STARD5: variants seen among roughly 807,000 people sequenced by gnomAD.
The protein encoded by STARD5 is stAR-related lipid transfer protein 5.
In STARD5, 26 loss-of-function variants were observed where a neutral mutation model predicts 24.6. The ratio of observed to expected loss-of-function variants is 1.06; its 90% CI spans 0.77 to 1.47. The LOEUF (loss-of-function observed/expected upper bound fraction) is 1.47, where lower values mean the gene tolerates loss of function less well. STARD5 is among the 40% of genes most tolerant of loss of function. The pLI is 0.00. For missense variants in STARD5, 254 were observed against 270.8 expected, an observed-to-expected ratio of 0.94 and a Z score of 0.44; for synonymous variants, 101 against 99.7, an observed-to-expected ratio of 1.01 and a Z score of -0.07.
chr15:81,313,516 G>A (rs1468634594), intron 5 of STARD5, 113 bp from the exon 6 acceptor site: 7 of 1,057,442 alleles, frequency 6.6e-6, no homozygotes, highest in South Asian at 4.9e-5. Context: ...TACAGTGATC[G>A]CGTCTCATCC....
Position 81,313,289 on chromosome 15 carries a change from G to T in STARD5, c.609C>A (p.Asn203Lys), listed in dbSNP as rs775814433. Residue 203 changes from asparagine (N) to lysine (K), a missense_variant, in exon 6 of 6, where the codon AAC becomes AAA. Asn to Lys is a moderately conservative substitution (Grantham distance 94). Transcript: ENST00000302824. The stretch of plus-strand genomic sequence containing the variant: ...GGAATTGCTTCACTGCTTTCTGAAG[G>T]TTGGCATAAAACCGGGTCATGCTGC... Reference protein sequence around the residue: ...FPRSMTRFYANLQKAVKQFHE With the variant: ...FPRSMTRFYAKLQKAVKQFHE The T allele has an allele frequency of 6.3e-7, 1 of 1,579,110 alleles. No individual in the cohort carries two copies. The highest frequency in any genetic ancestry group is 8.6e-7 in the Non-Finnish European group (1 of 1,163,436).
chr15:81,310,865 GAGGTTATCTGTCCC>G lies in STARD5; in HGVS notation c.*2377_*2390del, dbSNP rs1021329559. ...CCAGGCAAAGCAAGTGATTGGGACA[GAGGTTATCTGTCCC>G]AGGTTATCTGGGCATAGATGCAGGT... is the stretch of plus-strand genomic sequence containing the variant. On this transcript the variant is annotated 3_prime_UTR_variant, in exon 6 of 6. Coordinates refer to ENST00000302824, the MANE Select transcript of STARD5 (RefSeq NM_181900.3). 4 of 152,294 alleles carry G rather than the reference GAGGTTATCTGTCCC, an allele frequency of 2.6e-5. No individual in the cohort carries two copies. The highest frequency in any genetic ancestry group is 5.9e-5 in the Non-Finnish European group (4 of 68,108). 9.4% of individuals were successfully genotyped at this position (152,294 alleles called of 1,614,324 possible). A position where few individuals can be genotyped will look rare whatever the true frequency, so the allele number is the denominator to read the frequency against.
intron 3 of STARD5, among the ~76,000 whole-genome samples, chr15:81,321,191 G>A (rs531433246): frequency 3.5e-4 from 54 of 152,192 alleles, no homozygotes; most frequent in African/African-American, 1.2e-3. Context: ...AAAAAAGAGA[G>A]CTCCCATTCA....
At chr15:81,318,689 C>G (rs1333404468) in intron 4 of STARD5, among the ~76,000 whole-genome samples, 187 bp from the exon 5 acceptor site, 1 of 152,198 alleles carries the variant, frequency 6.6e-6, no homozygotes, top group Admixed American at 6.5e-5. Flanking sequence ...TACAAATACA[C>G]TCTCACATGC....
intron 3 of STARD5, among the ~76,000 whole-genome samples, 187 bp from the exon 4 acceptor site, chr15:81,319,643 G>A (rs1666566077): frequency 2.0e-5 from 3 of 152,192 alleles, no homozygotes; most frequent in Non-Finnish European, 4.4e-5. Flanking sequence ...TTTGTAAGAC[G>A]AGGGCTGTGA....
In STARD5 at chr15:81,321,661, CTTCTAT is replaced by C. The variant is rs542410256; in HGVS notation, c.282+741_282+746del. On this transcript the variant is annotated intron_variant, in intron 3 of 5. Transcript: ENST00000302824. ...TACATGAAATATATGATTAAAAAAA[CTTCTAT>C]TTCTATGCATATTTATGATGCAAGA... 4.0e-3 allele frequency among the ~76,000 whole-genome samples: 610 copies of C among 150,618 alleles called. 2 individuals are homozygous for C. Among genetic ancestry groups the C allele is most frequent in the Non-Finnish European group, 7.3e-3 (494 of 67,748 alleles).
chr15:81,315,273 C>T (rs1197492279), intron 5 of STARD5, among the ~76,000 whole-genome samples: 6 of 152,084 alleles, frequency 3.9e-5, no homozygotes, highest in Non-Finnish European at 7.4e-5. Flanking sequence ...AATGAGACTC[C>T]GTGATCATGT....
At chr15:81,318,191 A>C (rs1379162100) in intron 5 of STARD5, among the ~76,000 whole-genome samples, 1 of 152,138 alleles carries the variant, frequency 6.6e-6, no homozygotes, top group African/African-American at 2.4e-5. Context: ...AATAAGAGTA[A>C]CGCCTCCCCT....
At chr15:81,321,884 C>A (rs1397682037) in intron 3 of STARD5, among the ~76,000 whole-genome samples, 1 of 152,088 alleles carries the variant, frequency 6.6e-6, no homozygotes, top group East Asian at 1.9e-4. Context: ...TTGCTTTGTT[C>A]AAAACTGAGA....
Position 81,324,019 on chromosome 15 carries a change from C to A in STARD5, c.81G>T (p.Trp27Cys). The stretch of plus-strand genomic sequence containing the variant: ...CACTCACGCCTTCCCGGCAAATCTT[C>A]CAGCCTGCTGTGTCCCGCCGGTACT... ...MLQYRRDTAG[W>C]KICREGNGVS... The change falls in exon 1 of 6, where the codon TGG becomes TGT. Residue 27 changes from tryptophan (W) to cysteine (C), a missense_variant. Transcript: ENST00000302824. 2 of 1,603,378 alleles carry A rather than the reference C, an allele frequency of 1.2e-6. No homozygotes were observed. Among genetic ancestry groups the A allele is most frequent in the East Asian group, 2.2e-5 (1 of 44,572 alleles).
At chr15:81,323,960 A>G in intron 1 of STARD5, 41 bp downstream of exon 1, 3 of 1,552,938 alleles carry the variant, frequency 1.9e-6, no homozygotes, top group Middle Eastern at 1.7e-4. Context: ...GGCTCCACGA[A>G]GCCGTCTCCG....
In STARD5 at chr15:81,318,411, T is replaced by C; in HGVS notation, c.492A>G (p.Pro164=). The change falls in exon 5 of 6, where the codon CCA becomes CCG. Residue 164 remains proline (P), a splice_region_variant and synonymous_variant. Coordinates refer to ENST00000302824, the MANE Select transcript of STARD5 (RefSeq NM_181900.3). The part of the protein sequence containing the change: ...HPCGCFCEPL[P]GEPTKTNLVT... The stretch of plus-strand genomic sequence containing the variant: ...TCAATGCAGGAAATTATCCTTACCC[T>C]GGAAGAGGTTCACAGAAGCAACCAC... 1 of 1,613,942 alleles carries C rather than the reference T, an allele frequency of 6.2e-7. No individual in the cohort carries two copies. The highest frequency in any genetic ancestry group is 8.5e-7 in the Non-Finnish European group (1 of 1,179,884).
intron 5 of STARD5, among the ~76,000 whole-genome samples, chr15:81,315,377 T>G (rs1191502111): frequency 6.6e-6 from 1 of 152,006 alleles, no homozygotes; most frequent in East Asian, 1.9e-4. Context: ...GTGGCCTTGG[T>G]GAGTGGTAGC....
intron 5 of STARD5, among the ~76,000 whole-genome samples, chr15:81,314,264 A>C (rs1233905506): frequency 6.6e-6 from 1 of 152,168 alleles, no homozygotes; most frequent in Admixed American, 6.5e-5. Flanking sequence ...TTGAGCACCT[A>C]TGAAGGGATT....
At chr15:81,314,877 A>G (rs545059044) in intron 5 of STARD5, among the ~76,000 whole-genome samples, 1 of 95,686 alleles carries the variant, frequency 1.0e-5, no homozygotes, top group Admixed American at 1.3e-4. Context: ...CAAGAGCAAA[A>G]CCCCACCTCA....
intron 3 of STARD5, among the ~76,000 whole-genome samples, chr15:81,321,721 G>A (rs35192917): frequency 0.26 from 40,190 of 151,954 alleles, 6,090 homozygotes; most frequent in South Asian, 0.43. Context: ...AACATGTATT[G>A]TATTAGGATA....
At position 81,323,166 on chromosome 15, in the gene STARD5, G is replaced by C. The variant is rs898673910; in HGVS notation, c.100-218C>G. On this transcript the variant is annotated intron_variant, in intron 1 of 5. Coordinates refer to ENST00000302824, the MANE Select transcript of STARD5 (RefSeq NM_181900.3). ...AAAGATCTTAACTGGCTGACTCCAA[G>C]AGCCGTGGGTGGTTTTTAAAATTAT... 15 of 576,730 alleles carry C rather than the reference G, an allele frequency of 2.6e-5. No homozygotes were observed. In the African/African-American group the frequency reaches 2.8e-4, roughly 11 times the overall value. The allele number at this position is 576,730 out of a possible 1,614,324, so 35.7% of individuals were successfully genotyped here. A position where few individuals can be genotyped will look rare whatever the true frequency, so the allele number is the denominator to read the frequency against.
chr15:81,320,832 G>A lies in STARD5; in HGVS notation c.283-1376C>T, dbSNP rs571270685. Among the ~76,000 whole-genome samples the A allele has an allele frequency of 1.2e-3, 176 of 151,060 alleles. 1 individual carries two copies. The highest frequency in any genetic ancestry group is 4.1e-3 in the African/African-American group (171 of 41,498). ...GTACAGTGTCTGGAAACTAAGATGA[G>A]GAGGACTTTGGAAAGAAATTTTGAA... On this transcript the variant is annotated intron_variant, in intron 3 of 5. Transcript: ENST00000302824.
chr15:81,317,843 G>A (rs754018348), intron 5 of STARD5, among the ~76,000 whole-genome samples: 5 of 152,198 alleles, frequency 3.3e-5, no homozygotes, highest in Non-Finnish European at 5.9e-5. Flanking sequence ...CATGACCTGT[G>A]GCAAAATGGG....
Sources: allele counts gnomAD v4.1 joint callset (sites outside exome capture counted in the v4.1 genomes callset), GRCh38; gene constraint gnomAD v4.1.1; transcripts MANE v1.5; gene names NCBI Gene and HGNC (gene_info 2026-07-23, HGNC 2026-07-21).